The following GPC5 variants were observed in gnomAD, a reference collection of about 807,000 sequenced individuals.
GPC5 encodes the protein glypican 5, also known as glypican-5.
GPC5 carries 47 observed loss-of-function variants against 53.9 expected under a neutral mutation model. That is an observed-to-expected ratio of 0.87 (90% CI 0.69 to 1.11). GPC5 has a LOEUF of 1.11. Ranked by LOEUF, GPC5 falls within the 50% of genes most tolerant of loss-of-function variation. The probability of loss-of-function intolerance (pLI) is 0.00; values close to 1 mark genes in which losing one functional copy is unlikely to be tolerated. For synonymous variants in GPC5, 286 were observed against 263.3 expected, an observed-to-expected ratio of 1.09 and a Z score of -0.84; for missense variants, 748 against 713.1, an observed-to-expected ratio of 1.05 and a Z score of -0.56.
chr13:91,512,531 G>A (rs1359296675), intron 2 of GPC5, among the ~76,000 whole-genome samples: 2 of 152,236 alleles, frequency 1.3e-5, no homozygotes, highest in Admixed American at 6.5e-5. Flanking sequence ...ACTGGGCCAT[G>A]TCCCTGCACT....
chr13:92,097,916 T>C (rs2041434441), intron 6 of GPC5, among the ~76,000 whole-genome samples: 1 of 152,230 alleles, frequency 6.6e-6, no homozygotes, highest in Non-Finnish European at 1.5e-5. Context: ...TATTCTCAGA[T>C]TGAAACCTAG....
At chr13:92,779,345 T>C (rs1432529047) in intron 7 of GPC5, among the ~76,000 whole-genome samples, 1 of 152,066 alleles carries the variant, frequency 6.6e-6, no homozygotes, top group Non-Finnish European at 1.5e-5. Context: ...AGATGAGATT[T>C]GAGTGGGGGC....
intron 6 of GPC5, among the ~76,000 whole-genome samples, chr13:92,065,020 T>G (rs570157711): frequency 6.6e-6 from 1 of 152,236 alleles, no homozygotes; most frequent in Non-Finnish European, 1.5e-5. Context: ...TAATTTTGGT[T>G]CTGAAAATTT....
intron 7 of GPC5, among the ~76,000 whole-genome samples, chr13:92,409,267 C>T (rs867825398): frequency 1.5e-4 from 22 of 151,674 alleles, no homozygotes; most frequent in Middle Eastern, 3.4e-3. Context: ...AATTAAATAT[C>T]CTTCAATGCT....
chr13:91,515,080 G>A (rs916821687), intron 2 of GPC5, among the ~76,000 whole-genome samples: 1 of 152,156 alleles, frequency 6.6e-6, no homozygotes, highest in Non-Finnish European at 1.5e-5. Flanking sequence ...AGGGGCTACT[G>A]TATTGGACAG....
At chr13:91,432,630 A>T (rs1029755914) in intron 1 of GPC5, among the ~76,000 whole-genome samples, 1 of 152,186 alleles carries the variant, frequency 6.6e-6, no homozygotes, top group African/African-American at 2.4e-5. Flanking sequence ...CAGAACAATA[A>T]AAACTCATAA....
intron 7 of GPC5, among the ~76,000 whole-genome samples, chr13:92,179,729 C>T (rs2042133031): frequency 6.6e-6 from 1 of 152,118 alleles, no homozygotes; most frequent in Admixed American, 6.6e-5. Flanking sequence ...TTTTCAGTTT[C>T]ATTATATGCT....
chr13:91,586,311 A>G (rs2032565530), intron 2 of GPC5, among the ~76,000 whole-genome samples: 1 of 148,176 alleles, frequency 6.7e-6, no homozygotes, highest in Non-Finnish European at 1.5e-5. Flanking sequence ...GGAATATAAG[A>G]TTGTTTCAAA....
chr13:92,378,229 T>A (rs2043710451), intron 7 of GPC5, among the ~76,000 whole-genome samples: 1 of 152,166 alleles, frequency 6.6e-6, no homozygotes. Flanking sequence ...AAATGACAGT[T>A]ATCAGGGTAT....
chr13:92,716,475 C>T (rs1888330114), intron 7 of GPC5, among the ~76,000 whole-genome samples: 1 of 151,760 alleles, frequency 6.6e-6, no homozygotes. Context: ...TTTATCCCCT[C>T]TCTTCATCTC....
At chr13:92,539,003 A>G (rs1331383072) in intron 7 of GPC5, among the ~76,000 whole-genome samples, 20 of 130,664 alleles carry the variant, frequency 1.5e-4, no homozygotes, top group African/African-American at 4.4e-4. Flanking sequence ...TATATACTTT[A>G]TATATTTTAT....
At chr13:92,663,591 AT>A (rs1886424569) in intron 7 of GPC5, among the ~76,000 whole-genome samples, 1 of 83,552 alleles carries the variant, frequency 1.2e-5, no homozygotes, top group South Asian at 5.5e-4. Flanking sequence ...ATATATATAT[AT>A]ATCTACTATA....
chr13:92,056,442 G>A (rs2041075148), intron 6 of GPC5, among the ~76,000 whole-genome samples: 1 of 152,114 alleles, frequency 6.6e-6, no homozygotes, highest in African/African-American at 2.4e-5. Context: ...ACAGGTTTTG[G>A]AGATTTGAAT....
intron 1 of GPC5, among the ~76,000 whole-genome samples, chr13:91,413,686 G>A (rs1877978798): frequency 6.6e-6 from 1 of 152,208 alleles, no homozygotes; most frequent in African/African-American, 2.4e-5. Flanking sequence ...GAGTCCAATA[G>A]CAGCAAAACA....
chr13:92,385,819 G>GTA (rs200651869), intron 7 of GPC5, among the ~76,000 whole-genome samples: 3,235 of 142,466 alleles, frequency 0.023, 132 homozygotes, highest in African/African-American at 0.079. Context: ...ATATACACGT[G>GTA]TATATATATA....
intron 2 of GPC5, among the ~76,000 whole-genome samples, chr13:91,518,079 AG>A (rs1437010533): frequency 6.6e-6 from 1 of 152,234 alleles, no homozygotes; most frequent in Non-Finnish European, 1.5e-5. Flanking sequence ...ACACTGTTAT[AG>A]GGTCCTTTAC....
chr13:91,763,051 C>T (rs1198882092), intron 5 of GPC5, among the ~76,000 whole-genome samples: 2 of 152,224 alleles, frequency 1.3e-5, no homozygotes, highest in East Asian at 3.9e-4. Context: ...TATCATTGAA[C>T]ATCAATGAGT....
chr13:92,725,405 AAAC>A (rs561100507), intron 7 of GPC5, among the ~76,000 whole-genome samples: 123 of 151,664 alleles, frequency 8.1e-4, no homozygotes, highest in African/African-American at 2.7e-3. Context: ...TGAGTGGGCT[AAAC>A]AACATTTATG....
intron 7 of GPC5, among the ~76,000 whole-genome samples, chr13:92,366,888 AAAGT>A (rs1272530270): frequency 6.6e-6 from 1 of 152,250 alleles, no homozygotes; most frequent in Non-Finnish European, 1.5e-5. Context: ...TCTTATTTGA[AAAGT>A]AAGGGGATTT....
Sources: gnomAD v4.1 joint callset for allele counts (sites outside exome capture counted in the v4.1 genomes callset) on GRCh38, gnomAD v4.1.1 for gene constraint, MANE v1.5 for transcripts, NCBI Gene and HGNC (gene_info 2026-07-23, HGNC 2026-07-21) for gene names.